Variants in TRIM14 observed in about 807,000 individuals in gnomAD.
TRIM14 encodes tripartite motif-containing protein 14.
TRIM14 carries 28 observed loss-of-function variants against 44.5 expected under a neutral mutation model. The ratio of observed to expected loss-of-function variants is 0.63; its 90% CI spans 0.47 to 0.86. The LOEUF (loss-of-function observed/expected upper bound fraction) is 0.86, where lower values mean the gene tolerates loss of function less well. TRIM14 is among the 40% of genes least tolerant of loss of function. The pLI is 0.00. For missense variants in TRIM14, 607 were observed against 611.1 expected (o/e 0.99, Z 0.07); for synonymous variants, 299 against 269.2 (o/e 1.11, Z -1.08).
the TRIM14 span, among the ~76,000 whole-genome samples, chr9:98,048,545 AAAAT>A: frequency 2.6e-5 from 4 of 152,344 alleles, no homozygotes; most frequent in South Asian, 2.1e-4. Context: ...TTTTGAAAGA[AAAAT>A]AAAAACTGTA....
intron 3 of TRIM14, among the ~76,000 whole-genome samples, chr9:98,097,834 T>C (rs1826240426): frequency 6.6e-6 from 1 of 152,272 alleles, no homozygotes; most frequent in South Asian, 2.1e-4. Flanking sequence ...TTGTATTCCA[T>C]AGCCTTAAAA....
downstream of TRIM14, among the ~76,000 whole-genome samples, chr9:98,082,330 C>CTATGT (rs1829906383): frequency 6.6e-6 from 1 of 152,150 alleles, no homozygotes; most frequent in South Asian, 2.1e-4. Flanking sequence ...AATCTCATCC[C>CTATGT]TATGTTATGT....
At chr9:98,065,395 C>T (rs1829111585), downstream of TRIM14, among the ~76,000 whole-genome samples, 3 of 140,088 alleles carry the variant, frequency 2.1e-5, no homozygotes, top group Non-Finnish European at 1.5e-5. Flanking sequence ...CGGCTCACTG[C>T]GACTTCCGCC....
At chr9:98,079,686 G>A (rs565269427), downstream of TRIM14, among the ~76,000 whole-genome samples, 45 of 152,230 alleles carry the variant, frequency 3.0e-4, no homozygotes, top group African/African-American at 1.1e-3. Context: ...TTTAGTAGAC[G>A]TGACCCCAGC....
chr9:98,065,483 A>ATTTTTTTTTTTT (rs397837187), downstream of TRIM14, among the ~76,000 whole-genome samples: 53 of 58,632 alleles, frequency 9.0e-4, 2 homozygotes, highest in Admixed American at 4.8e-3. Context: ...TGCCCAGCTA[A>ATTTTTTTTTTTT]TTTTTTTTTT....
At chr9:98,115,488 TC>T (rs1827017063) in intron 1 of TRIM14, among the ~76,000 whole-genome samples, 1 of 152,144 alleles carries the variant, frequency 6.6e-6, no homozygotes, top group South Asian at 2.1e-4. Flanking sequence ...GACCTCGTGA[TC>T]CACCCACTTT....
chr9:98,057,753 G>A, the TRIM14 span, among the ~76,000 whole-genome samples: 1 of 151,944 alleles, frequency 6.6e-6, no homozygotes, highest in Non-Finnish European at 1.5e-5. Flanking sequence ...TTTAGAGATA[G>A]CTCACCCCAT....
chr9:98,118,972 T>TCGTCCCCAC lies in TRIM14; in HGVS notation c.207+1_207+9dup. ...TCCCGCGCGGCGAACCCCGTCCCCA[T>TCGTCCCCAC]CGTCCCCACCTGCACGTGCACCGCT... On this transcript the variant is annotated intron_variant, in intron 1 of 5. Coordinates refer to ENST00000341469, the MANE Select transcript of TRIM14 (RefSeq NM_014788.4). 1.3e-6 allele frequency: 2 copies of TCGTCCCCAC among 1,521,842 alleles called. No homozygotes were observed. Among genetic ancestry groups the TCGTCCCCAC allele is most frequent in the Non-Finnish European group, 1.7e-6 (2 of 1,143,596 alleles). The allele number at this position is 1,521,842 out of a possible 1,614,324, so 94.3% of individuals were successfully genotyped here.
the TRIM14 span, among the ~76,000 whole-genome samples, chr9:98,041,335 T>G: frequency 2.0e-5 from 3 of 152,194 alleles, no homozygotes; most frequent in South Asian, 6.2e-4. Flanking sequence ...TCTCTCTCCA[T>G]TCTTCATTTT....
rs1417784348 is a variant in TRIM14, at chr9:98,086,871, TAAGTG to T, written c.*594_*598del. On this transcript the variant is annotated 3_prime_UTR_variant, in exon 6 of 6. Coordinates refer to ENST00000341469, the MANE Select transcript of TRIM14 (RefSeq NM_014788.4). ...GGAAGCCTTTTCATAGCTGAGGGGTTAAGTGAAGTTTTAGGAAGATCACTCTAGTT... is the reference window on the plus strand; with the variant it reads ...GGAAGCCTTTTCATAGCTGAGGGGTTAAGTTTTAGGAAGATCACTCTAGTT... The T allele has an allele frequency of 6.5e-6, 1 of 154,648 alleles. No individual in the cohort carries two copies. Among genetic ancestry groups the T allele is most frequent in the African/African-American group, 2.4e-5 (1 of 41,402 alleles). The allele number at this position is 154,648 out of a possible 1,614,324, so 9.6% of individuals were successfully genotyped here.
At chr9:98,068,516 A>G (rs1829216275), downstream of TRIM14, among the ~76,000 whole-genome samples, 1 of 151,788 alleles carries the variant, frequency 6.6e-6, no homozygotes, top group Non-Finnish European at 1.5e-5. Context: ...CAGTATCGTT[A>G]AAGTAAAAAG....
chr9:98,072,492 A>G (rs1028451091), intron 6 of TRIM14, among the ~76,000 whole-genome samples: 1 of 151,140 alleles, frequency 6.6e-6, no homozygotes, highest in African/African-American at 2.4e-5. Flanking sequence ...GCTCACTGCA[A>G]CCTCCACCTC....
chr9:98,066,653 A>ATTT (rs35815359), downstream of TRIM14, among the ~76,000 whole-genome samples: 11 of 143,518 alleles, frequency 7.7e-5, no homozygotes, highest in East Asian at 2.0e-4. Flanking sequence ...CCACTTACCG[A>ATTT]TTTTTTTTTT....
Position 98,087,296 on chromosome 9 carries a change from G to T in TRIM14, c.*174C>A. On this transcript the variant is annotated 3_prime_UTR_variant, in exon 6 of 6. Transcript: ENST00000341469. ...CTTGTTTAGGGCCTGTTTGAAACTA[G>T]CCTAGGAGAGGAAACCTTCAAAGCA... 2 of 1,036,474 alleles carry T rather than the reference G, an allele frequency of 1.9e-6. No homozygotes were observed. Among genetic ancestry groups the T allele is most frequent in the Non-Finnish European group, 3.1e-6 (2 of 652,980 alleles). 64.2% of individuals were successfully genotyped at this position (1,036,474 alleles called of 1,614,324 possible).
rs754764863 is a variant in TRIM14 at position 98,087,928 on chromosome 9, A to T, written c.871T>A (p.Cys291Ser). The change falls in exon 6 of 6, where the codon TGC becomes AGC. Residue 291 changes from cysteine (C) to serine (S), a missense_variant. By Grantham distance (112) the Cys-to-Ser change is moderately radical. Transcript: ENST00000341469. ...RLSADRLTVR[C>S]GLLGSLGPVP... The stretch of plus-strand genomic sequence containing the variant: ...GGCCCCAGGCTGCCCAGCAGGCCGC[A>T]GCGCACCGTCAGGCGATCGGCGGAC... 2.0e-5 allele frequency: 31 copies of T among 1,566,376 alleles called. No homozygotes were observed. The highest frequency in any genetic ancestry group is 2.6e-5 in the Non-Finnish European group (30 of 1,166,562).
chr9:98,041,673 TTTTG>T, the TRIM14 span, among the ~76,000 whole-genome samples: 2 of 151,428 alleles, frequency 1.3e-5, no homozygotes, highest in Non-Finnish European at 2.9e-5. Flanking sequence ...GTTTTTTGTT[TTTTG>T]TTTTTGTTTT....
chr9:98,049,563 T>C, the TRIM14 span, among the ~76,000 whole-genome samples: 1 of 152,252 alleles, frequency 6.6e-6, no homozygotes, highest in African/African-American at 2.4e-5. Context: ...ATGACATTTA[T>C]AAAGTGTCAT....
At chr9:98,065,158 T>A (rs555630421), downstream of TRIM14, among the ~76,000 whole-genome samples, 117 of 152,270 alleles carry the variant, frequency 7.7e-4, no homozygotes, top group Non-Finnish European at 1.2e-4. Flanking sequence ...ATTGTGTTAA[T>A]CCTTCTGGGC....
At chr9:98,047,644 T>C in the TRIM14 span, among the ~76,000 whole-genome samples, 1 of 152,140 alleles carries the variant, frequency 6.6e-6, no homozygotes, top group Non-Finnish European at 1.5e-5. Flanking sequence ...CTTCACATTA[T>C]GAGAGAAATT....
Sources: gnomAD v4.1 joint callset for allele counts (sites outside exome capture counted in the v4.1 genomes callset) on GRCh38, gnomAD v4.1.1 for gene constraint, MANE v1.5 for transcripts, NCBI Gene and HGNC (gene_info 2026-07-23, HGNC 2026-07-21) for gene names.